The following SYT1 variants were observed in gnomAD, a reference collection of about 807,000 sequenced individuals.
SYT1 encodes synaptotagmin 1.
SYT1 carries 8 observed loss-of-function variants against 44.8 expected under a neutral mutation model. The observed-to-expected ratio is 0.18, with a 90% CI of 0.10 to 0.32. The LOEUF is 0.32. SYT1 is among the 10% of genes least tolerant of loss of function. The pLI is 1.00. For synonymous variants in SYT1, 154 were observed against 188.8 expected (o/e 0.82, Z 1.51); for missense variants, 286 against 509.3 (o/e 0.56, Z 4.22).
intron 1 of SYT1, among the ~76,000 whole-genome samples, chr12:78,925,875 C>T (rs970397704): frequency 6.6e-6 from 1 of 151,996 alleles, no homozygotes; most frequent in East Asian, 1.9e-4. Flanking sequence ...CTCTTACTAG[C>T]AAAATATTAT....
intron 3 of SYT1, among the ~76,000 whole-genome samples, chr12:79,072,949 A>G (rs1876385850): frequency 6.6e-6 from 1 of 152,142 alleles, no homozygotes; most frequent in African/African-American, 2.4e-5. Flanking sequence ...GATGAATAAT[A>G]GATAAACAAC....
chr12:78,874,804 G>T (rs983912771), intron 1 of SYT1, among the ~76,000 whole-genome samples: 1 of 151,508 alleles, frequency 6.6e-6, no homozygotes, highest in Admixed American at 6.6e-5. Flanking sequence ...ATAATTTAAC[G>T]ACTGGTATGA....
At chr12:78,876,163 G>A (rs1045136507) in intron 1 of SYT1, among the ~76,000 whole-genome samples, 3 of 151,446 alleles carry the variant, frequency 2.0e-5, no homozygotes, top group African/African-American at 7.3e-5. Context: ...ATTTTGTGTC[G>A]ATTATCACTT....
chr12:79,239,421 A>G (rs2138645707), intron 4 of SYT1, among the ~76,000 whole-genome samples: 1 of 152,368 alleles, frequency 6.6e-6, no homozygotes. Flanking sequence ...CTGGAACAGA[A>G]AAACTCAGAA....
intron 1 of SYT1, among the ~76,000 whole-genome samples, chr12:78,940,199 G>A (rs1878274007): frequency 6.6e-6 from 1 of 151,818 alleles, no homozygotes; most frequent in Non-Finnish European, 1.5e-5. Flanking sequence ...AAATCTGGTT[G>A]AAATTAATTC....
At chr12:79,332,694 T>C (rs920629493) in intron 8 of SYT1, among the ~76,000 whole-genome samples, 1 of 152,218 alleles carries the variant, frequency 6.6e-6, no homozygotes, top group Admixed American at 6.5e-5. Flanking sequence ...CATCTTTGAA[T>C]TGGTTCTTTT....
At chr12:79,273,823 C>T (rs1269535734) in intron 4 of SYT1, among the ~76,000 whole-genome samples, 8 of 152,224 alleles carry the variant, frequency 5.3e-5, no homozygotes, top group African/African-American at 1.2e-4. Flanking sequence ...TGATGGCTCA[C>T]GCCTGTAATC....
At chr12:78,950,624 CA>C (rs1210190786) in intron 1 of SYT1, among the ~76,000 whole-genome samples, 2 of 152,068 alleles carry the variant, frequency 1.3e-5, no homozygotes, top group Non-Finnish European at 2.9e-5. Context: ...TACGGCAAAA[CA>C]AATCTTCAAA....
rs541942354 is a variant in SYT1, at chr12:79,118,891, G to C, written c.-18+71529G>C. Among the ~76,000 whole-genome samples the C allele has an allele frequency of 3.9e-5, 6 of 152,222 alleles. No individual in the cohort carries two copies. The South Asian group carries it at 1.2e-3, about 32-fold the overall frequency. ...ACTCTCAAATCCATTATTTTCCACT[G>C]TTACCTTTCTTCTCAACTTCAGATC... On this transcript the variant is annotated intron_variant, in intron 3 of 10. Coordinates refer to ENST00000261205, the MANE Select transcript of SYT1 (RefSeq NM_005639.3).
intron 8 of SYT1, among the ~76,000 whole-genome samples, chr12:79,316,301 G>A (rs915868250): frequency 3.9e-5 from 6 of 152,150 alleles, no homozygotes; most frequent in African/African-American, 1.4e-4. Context: ...TCAAGATGAT[G>A]TTTATGAGAT....
At chr12:79,440,381 G>A (rs1231648371) in intron 9 of SYT1, among the ~76,000 whole-genome samples, 1 of 152,086 alleles carries the variant, frequency 6.6e-6, no homozygotes, top group Admixed American at 6.5e-5. Context: ...ATGAGTTCTT[G>A]TTTTGGGGAA....
intron 3 of SYT1, among the ~76,000 whole-genome samples, chr12:79,119,539 C>CT (rs971150704): frequency 7.9e-5 from 12 of 151,990 alleles, no homozygotes; most frequent in African/African-American, 2.9e-4. Context: ...TACCCTTTCA[C>CT]TTTTTCTATC....
At chr12:79,153,267 T>G (rs1323759151) in intron 3 of SYT1, among the ~76,000 whole-genome samples, 2 of 152,170 alleles carry the variant, frequency 1.3e-5, no homozygotes, top group African/African-American at 4.8e-5. Flanking sequence ...ATGATCTCTA[T>G]AATCAATTGG....
chr12:79,444,297 A>G, intron 10 of SYT1, 91 bp downstream of exon 10: 1 of 1,446,890 alleles, frequency 6.9e-7, no homozygotes, highest in Non-Finnish European at 9.4e-7. Flanking sequence ...TTATCAGTGC[A>G]CATGCCTTCA....
At chr12:79,271,768 C>T (rs780490391) in intron 4 of SYT1, among the ~76,000 whole-genome samples, 1 of 151,972 alleles carries the variant, frequency 6.6e-6, no homozygotes, top group East Asian at 1.9e-4. Context: ...TAAATGATTC[C>T]AAGTATTTCT....
At chr12:79,065,758 C>A (rs576084011) in intron 3 of SYT1, among the ~76,000 whole-genome samples, 3 of 152,096 alleles carry the variant, frequency 2.0e-5, no homozygotes, top group Non-Finnish European at 4.4e-5. Context: ...CAAAATGATA[C>A]AATTTCTCAT....
At chr12:79,370,908 T>C (rs935225803) in intron 9 of SYT1, among the ~76,000 whole-genome samples, 2 of 152,166 alleles carry the variant, frequency 1.3e-5, no homozygotes, top group African/African-American at 4.8e-5. Flanking sequence ...CTCTAAAAGA[T>C]CATGCCCAGC....
chr12:79,253,483 GTCTC>G (rs60179268), intron 4 of SYT1, among the ~76,000 whole-genome samples: 6,262 of 129,342 alleles, frequency 0.048, 227 homozygotes, highest in East Asian at 0.096. Flanking sequence ...CCATTGCCCA[GTCTC>G]TCTCTCTCTC....
In SYT1 at chr12:78,973,952, T is replaced by A. The variant is rs1309996441; in HGVS notation, c.-216-3847T>A. On this transcript the variant is annotated intron_variant, in intron 1 of 10. Coordinates refer to ENST00000261205, the MANE Select transcript of SYT1 (RefSeq NM_005639.3). ...AAAAAAAAAAAAATATATATATATA[T>A]ATATATATATATATATATATATATA... Among the ~76,000 whole-genome samples the A allele has an allele frequency of 6.0e-3, 144 of 23,980 alleles. 1 individual carries two copies. Among genetic ancestry groups the A allele is most frequent in the African/African-American group, 0.012 (58 of 4,788 alleles). The allele number at this position is 23,980 out of a possible 152,430, so 15.7% of individuals were successfully genotyped here.
Sources: gnomAD v4.1 joint callset for allele counts (sites outside exome capture counted in the v4.1 genomes callset) on GRCh38, gnomAD v4.1.1 for gene constraint, MANE v1.5 for transcripts, NCBI Gene and HGNC (gene_info 2026-07-23, HGNC 2026-07-21) for gene names.